Variants in B3GALT1 observed in about 807,000 individuals in gnomAD.
B3GALT1 encodes UDP-Gal:betaGlcNAc beta 1,3-galactosyltransferase, polypeptide 1.
B3GALT1 carries 10 observed loss-of-function variants against 23.2 expected under a neutral mutation model. That is an observed-to-expected ratio of 0.43 (90% confidence interval 0.27 to 0.73). B3GALT1 has a LOEUF of 0.73. B3GALT1 is among the 30% of genes least tolerant of loss of function. The pLI is 0.21. For synonymous variants in B3GALT1, 156 were observed against 141.5 expected (o/e 1.10, Z -0.73); for missense variants, 299 against 405.4 (o/e 0.74, Z 2.25).
At chr2:167,566,412 T>G (rs1427558978) in intron 2 of B3GALT1, among the ~76,000 whole-genome samples, 2 of 151,742 alleles carry the variant, frequency 1.3e-5, no homozygotes, top group Non-Finnish European at 2.9e-5. Context: ...AATGACGAGT[T>G]AATGGGTGCA....
At chr2:167,847,325 C>T (rs888616787) in intron 4 of B3GALT1, among the ~76,000 whole-genome samples, 2 of 152,152 alleles carry the variant, frequency 1.3e-5, no homozygotes, top group African/African-American at 4.8e-5. Flanking sequence ...CAAGATAGGT[C>T]ATATGATAGG....
At chr2:167,612,700 T>C (rs1450059835) in intron 2 of B3GALT1, among the ~76,000 whole-genome samples, 1 of 152,064 alleles carries the variant, frequency 6.6e-6, no homozygotes, top group South Asian at 2.1e-4. Context: ...AATGGAATTT[T>C]AAAAAATTGT....
intron 4 of B3GALT1, among the ~76,000 whole-genome samples, chr2:167,825,263 G>C (rs1458068771): frequency 3.9e-5 from 5 of 128,366 alleles, no homozygotes; most frequent in African/African-American, 9.2e-5. Flanking sequence ...TAGCCTGGGC[G>C]ACAGAGCAAG....
chr2:167,306,108 T>C (rs550733139), intron 1 of B3GALT1, among the ~76,000 whole-genome samples: 5 of 152,136 alleles, frequency 3.3e-5, no homozygotes, highest in Non-Finnish European at 7.4e-5. Context: ...AAGGAAATAG[T>C]ACAAAATATG....
intron 1 of B3GALT1, among the ~76,000 whole-genome samples, chr2:167,372,552 A>T (rs1697703022): frequency 6.6e-6 from 1 of 152,046 alleles, no homozygotes; most frequent in Admixed American, 6.6e-5. Context: ...GAAATGAAGA[A>T]AGAATAAAAA....
intron 3 of B3GALT1, among the ~76,000 whole-genome samples, chr2:167,779,968 A>C (rs1430557111): frequency 6.6e-6 from 1 of 152,218 alleles, no homozygotes; most frequent in Middle Eastern, 3.2e-3. Context: ...GTATATCAAA[A>C]TGTCAATGTG....
chr2:167,458,040 A>G (rs1246369986), intron 1 of B3GALT1, among the ~76,000 whole-genome samples: 1 of 152,210 alleles, frequency 6.6e-6, no homozygotes, highest in Non-Finnish European at 1.5e-5. Context: ...ATAATGTTGT[A>G]CAGCCATGAT....
At chr2:167,633,814 G>A (rs1408589138) in intron 2 of B3GALT1, among the ~76,000 whole-genome samples, 1 of 152,078 alleles carries the variant, frequency 6.6e-6, no homozygotes, top group African/African-American at 2.4e-5. Context: ...AGGATATTCA[G>A]GACTTGAACT....
At chr2:167,611,400 T>A (rs1015500914) in intron 2 of B3GALT1, among the ~76,000 whole-genome samples, 7 of 151,960 alleles carry the variant, frequency 4.6e-5, no homozygotes, top group Non-Finnish European at 1.0e-4. Context: ...CTGGAGCCCT[T>A]TGTCGTTTTC....
chr2:167,631,900 C>G (rs1685454696), intron 2 of B3GALT1, among the ~76,000 whole-genome samples: 1 of 151,274 alleles, frequency 6.6e-6, no homozygotes, highest in Non-Finnish European at 1.5e-5. Context: ...CTGCACCCAT[C>G]AACTCAGCTA....
intron 1 of B3GALT1, among the ~76,000 whole-genome samples, chr2:167,423,131 G>C (rs1160838963): frequency 6.6e-6 from 1 of 152,122 alleles, no homozygotes; most frequent in African/African-American, 2.4e-5. Context: ...AGACCTGTCT[G>C]CTATTTACTT....
At chr2:167,342,843 GT>G (rs1697170544) in intron 1 of B3GALT1, among the ~76,000 whole-genome samples, 1 of 152,104 alleles carries the variant, frequency 6.6e-6, no homozygotes, top group Non-Finnish European at 1.5e-5. Context: ...ATCACAGTGT[GT>G]TACATCTGTG....
At chr2:167,675,923 C>T (rs566674725) in intron 3 of B3GALT1, among the ~76,000 whole-genome samples, 29 of 151,204 alleles carry the variant, frequency 1.9e-4, no homozygotes, top group Non-Finnish European at 3.4e-4. Context: ...CCAGTAGCAC[C>T]CTCTCCATTT....
intron 4 of B3GALT1, among the ~76,000 whole-genome samples, chr2:167,836,496 G>A (rs547313652): frequency 3.0e-4 from 46 of 152,214 alleles, no homozygotes; most frequent in Admixed American, 1.6e-3. Flanking sequence ...AAAAAGAAAC[G>A]AACAAAGCCT....
intron 2 of B3GALT1, among the ~76,000 whole-genome samples, chr2:167,537,990 T>C (rs1683458363): frequency 6.6e-6 from 1 of 152,096 alleles, no homozygotes; most frequent in African/African-American, 2.4e-5. Context: ...GCCTGGCTCA[T>C]TTTTGTATTT....
intron 1 of B3GALT1, among the ~76,000 whole-genome samples, chr2:167,364,855 A>C (rs1417464941): frequency 6.6e-6 from 1 of 152,200 alleles, no homozygotes; most frequent in Non-Finnish European, 1.5e-5. Flanking sequence ...AAGACTATGT[A>C]GAATCAAAAT....
intron 1 of B3GALT1, among the ~76,000 whole-genome samples, chr2:167,421,660 C>T (rs999461269): frequency 6.6e-6 from 1 of 152,120 alleles, no homozygotes; most frequent in Non-Finnish European, 1.5e-5. Context: ...GCTAAATCCA[C>T]AGAGCTGATA....
intron 3 of B3GALT1, among the ~76,000 whole-genome samples, chr2:167,703,442 T>G (rs1363006413): frequency 1.3e-5 from 2 of 152,214 alleles, no homozygotes; most frequent in African/African-American, 4.8e-5. Context: ...AGCCTAGTCC[T>G]GGGAAACTTA....
intron 1 of B3GALT1, among the ~76,000 whole-genome samples, chr2:167,325,545 A>G (rs969542738): frequency 2.6e-5 from 4 of 151,934 alleles, no homozygotes; most frequent in African/African-American, 7.3e-5. Flanking sequence ...GCCCCCCATG[A>G]TCCAGTCACC....
Sources: allele counts gnomAD v4.1 joint callset (sites outside exome capture counted in the v4.1 genomes callset), GRCh38; gene constraint gnomAD v4.1.1; transcripts MANE v1.5; gene names NCBI Gene and HGNC (gene_info 2026-07-23, HGNC 2026-07-21).